PHIP: variants seen among roughly 807,000 people sequenced by gnomAD.
PHIP encodes PH-interacting protein.
Under a neutral mutation model 236.8 loss-of-function variants are expected in PHIP, and 54 were observed. The ratio of observed to expected loss-of-function variants is 0.23; its 90% CI spans 0.18 to 0.29. The LOEUF (loss-of-function observed/expected upper bound fraction) is 0.29. Ranked by LOEUF, PHIP falls within the 10% of genes least tolerant of loss-of-function variation. The pLI is 1.00. For missense variants in PHIP, 1,370 were observed against 2,190.8 expected, an observed-to-expected ratio of 0.63 and a Z score of 7.48; for synonymous variants, 756 against 718.9, an observed-to-expected ratio of 1.05 and a Z score of -0.83.
In PHIP at chr6:78,954,935, T is replaced by C. The variant is rs1189085518; in HGVS notation, c.3932A>G (p.Asn1311Ser). The C allele has an allele frequency of 1.3e-6, 2 of 1,573,462 alleles. No individual in the cohort carries two copies. The highest frequency in any genetic ancestry group is 4.6e-5 in the East Asian group (2 of 43,866). The change falls in exon 35 of 40, where the codon AAT becomes AGT. Residue 1311 changes from asparagine (N) to serine (S), a missense_variant. Asn to Ser is a conservative substitution (Grantham distance 46). This residue lies in a region of PHIP where 125 missense variants were observed against 235.1 expected (regional missense o/e 0.53). Transcript: ENST00000275034. Reference sequence around the variant, plus strand: ...TTGAATATCGTAAGACTGGGCTCTATTACGTAATCTTCTTCTAGGCTGATG... The same window carrying C: ...TTGAATATCGTAAGACTGGGCTCTACTACGTAATCTTCTTCTAGGCTGATG... ...KDHQPRRRLR[N>S]RAQSYDIQAW...
At chr6:79,068,764 T>C (rs1308192057) in intron 4 of PHIP, among the ~76,000 whole-genome samples, 1 of 152,214 alleles carries the variant, frequency 6.6e-6, no homozygotes, top group Non-Finnish European at 1.5e-5. Context: ...GGAAAAAAAT[T>C]TGAGCATGTT....
At chr6:79,071,897 C>CTATTAT (rs147406474) in intron 4 of PHIP, among the ~76,000 whole-genome samples, 1 of 151,136 alleles carries the variant, frequency 6.6e-6, no homozygotes, top group Non-Finnish European at 1.5e-5. Context: ...CTGCATTAGA[C>CTATTAT]TATTATTATT....
intron 6 of PHIP, among the ~76,000 whole-genome samples, chr6:79,060,106 G>GA (rs11295038): frequency 4.1e-5 from 6 of 145,292 alleles, no homozygotes; most frequent in Admixed American, 2.0e-4. Flanking sequence ...GCCAAAAAAA[G>GA]AAAAAAAAAA....
rs1351493490 is a variant in PHIP, at chr6:78,935,066, G to A, written c.*5627C>T. Among the ~76,000 whole-genome samples, 1 of 152,104 alleles carries A rather than the reference G, an allele frequency of 6.6e-6. No individual in the cohort carries two copies. The highest frequency in any genetic ancestry group is 1.5e-5 in the Non-Finnish European group (1 of 68,008). On this transcript the variant is annotated 3_prime_UTR_variant, in exon 40 of 40. Coordinates refer to ENST00000275034, the MANE Select transcript of PHIP (RefSeq NM_017934.7). ...CTTCCGTTAAATACTGGGGAATCCT[G>A]GGTCATAAAATTGGTATTATTACAA...
chr6:78,945,851 A>G, intron 38 of PHIP, 150 bp downstream of exon 38: 1 of 650,806 alleles, frequency 1.5e-6, no homozygotes, highest in Non-Finnish European at 2.6e-6. Context: ...CTTATTAAAA[A>G]CTTTTTTTTA....
intron 20 of PHIP, among the ~76,000 whole-genome samples, chr6:78,990,402 A>G (rs761227094): frequency 2.6e-5 from 4 of 152,208 alleles, no homozygotes; most frequent in Admixed American, 6.5e-5. Context: ...AGAAAAGCCA[A>G]TAAGTCAAAA....
At chr6:79,077,333 T>G in intron 4 of PHIP, 115 bp downstream of exon 4, 1 of 954,472 alleles carries the variant, frequency 1.0e-6, no homozygotes, top group Non-Finnish European at 1.6e-6. Context: ...CCCCATGGCC[T>G]TTGGAGCTTT....
chr6:79,069,465 T>G (rs1287270610), intron 4 of PHIP, among the ~76,000 whole-genome samples: 1 of 151,964 alleles, frequency 6.6e-6, no homozygotes, highest in African/African-American at 2.4e-5. Context: ...CATAAGCACA[T>G]AAGCTTAACT....
At chr6:78,989,578 A>G (rs1769083806) in intron 20 of PHIP, among the ~76,000 whole-genome samples, 1 of 152,246 alleles carries the variant, frequency 6.6e-6, no homozygotes, top group Non-Finnish European at 1.5e-5. Flanking sequence ...CATAAATAAT[A>G]ACTGGTTATT....
chr6:78,945,591 A>G (rs768715612), intron 38 of PHIP, 94 bp from the exon 39 acceptor site: 1 of 778,676 alleles, frequency 1.3e-6, no homozygotes, highest in Non-Finnish European at 2.1e-6. Context: ...AGCCAAGACA[A>G]CAAAACCTGA....
chr6:78,968,614 A>C (rs1254029126), intron 27 of PHIP, among the ~76,000 whole-genome samples: 2 of 152,232 alleles, frequency 1.3e-5, no homozygotes, highest in Admixed American at 1.3e-4. Flanking sequence ...CTGTGCATAA[A>C]AAGTATGTGT....
At position 78,939,433 on chromosome 6, in the gene PHIP, G is replaced by A. The variant is rs1014392177; in HGVS notation, c.*1260C>T. 3.3e-5 allele frequency: 5 copies of A among 151,496 alleles called. No homozygotes were observed. Among genetic ancestry groups the A allele is most frequent in the African/African-American group, 1.2e-4 (5 of 41,324 alleles). 9.4% of individuals were successfully genotyped at this position (151,496 alleles called of 1,614,324 possible). ...AACATGATTGCATAAAAAGTGATTT[G>A]GCCTATTTTAACCTTTAATAATTGA... On this transcript the variant is annotated 3_prime_UTR_variant, in exon 40 of 40. Coordinates refer to ENST00000275034, the MANE Select transcript of PHIP (RefSeq NM_017934.7).
intron 31 of PHIP, among the ~76,000 whole-genome samples, chr6:78,959,528 G>T (rs952868318): frequency 3.3e-5 from 5 of 152,024 alleles, no homozygotes; most frequent in African/African-American, 1.2e-4. Context: ...TTTCACGAAA[G>T]AAAAACAAAC....
At chr6:79,020,780 C>T (rs572689982) in intron 9 of PHIP, among the ~76,000 whole-genome samples, 1 of 152,202 alleles carries the variant, frequency 6.6e-6, no homozygotes, top group Non-Finnish European at 1.5e-5. Flanking sequence ...GTTCTGTGGC[C>T]CAGGCTAGAG....
chr6:79,052,744 G>A lies in PHIP; in HGVS notation c.439+7734C>T, dbSNP rs181960699. ...TAAATACCTGATCTCATAAGTATCTGGCACTATATAAAAACTTGAAAAGAA... is the reference window on the plus strand; with the variant it reads ...TAAATACCTGATCTCATAAGTATCTAGCACTATATAAAAACTTGAAAAGAA... On this transcript the variant is annotated intron_variant, in intron 6 of 39. Coordinates refer to ENST00000275034, the MANE Select transcript of PHIP (RefSeq NM_017934.7). 2.6e-5 allele frequency among the ~76,000 whole-genome samples: 4 copies of A among 152,190 alleles called. No individual in the cohort carries two copies. The East Asian group carries it at 7.7e-4, about 29-fold the overall frequency.
In PHIP at chr6:79,078,126, G is replaced by A; in HGVS notation, c.-58C>T. The A allele has an allele frequency of 1.3e-6, 2 of 1,575,436 alleles. No homozygotes were observed. The highest frequency in any genetic ancestry group is 2.3e-5 in the East Asian group (1 of 44,026). On this transcript the variant is annotated 5_prime_UTR_variant, in exon 1 of 40. Transcript: ENST00000275034. ...CACCCCGCCGCCGAGGGGAAGCGGG[G>A]ACGGTGCCGCCGCCTGCCCTATAGC...
intron 32 of PHIP, chr6:78,957,284 T>A (rs1766481934): frequency 6.6e-6 from 1 of 151,996 alleles, no homozygotes; most frequent in Admixed American, 6.6e-5. Context: ...CAGATACACA[T>A]ACACATAGTT....
Position 78,936,990 on chromosome 6 carries a change from C to T in PHIP, c.*3703G>A, listed in dbSNP as rs1773294752. On this transcript the variant is annotated 3_prime_UTR_variant, in exon 40 of 40. Coordinates refer to ENST00000275034, the MANE Select transcript of PHIP (RefSeq NM_017934.7). Reference sequence around the variant, plus strand: ...AAATTCTTGCCTAAGTGTAACAAAACCACTGCTCAATCTGTTATGTTAGAA... The same window carrying T: ...AAATTCTTGCCTAAGTGTAACAAAATCACTGCTCAATCTGTTATGTTAGAA... 1.3e-5 allele frequency: 2 copies of T among 151,750 alleles called. No individual in the cohort carries two copies. The highest frequency in any genetic ancestry group is 1.5e-5 in the Non-Finnish European group (1 of 67,694). The allele number at this position is 151,750 out of a possible 1,614,324, so 9.4% of individuals were successfully genotyped here. A position where few individuals can be genotyped will look rare whatever the true frequency, so the allele number is the denominator to read the frequency against.
At chr6:78,948,121 T>TTA (rs1189244465) in intron 35 of PHIP, among the ~76,000 whole-genome samples, 1 of 152,136 alleles carries the variant, frequency 6.6e-6, no homozygotes, top group East Asian at 1.9e-4. Context: ...ACTCAAAACT[T>TTA]TATACTACTT....
Sources: gnomAD v4.1 joint callset for allele counts (sites outside exome capture counted in the v4.1 genomes callset) on GRCh38, gnomAD v4.1.1 for gene constraint, gnomAD v4.1.1 regional missense constraint, MANE v1.5 for transcripts, NCBI Gene and HGNC (gene_info 2026-07-23, HGNC 2026-07-21) for gene names.